Variants in SLC24A3 observed in about 807,000 individuals in gnomAD.
The protein encoded by SLC24A3 is sodium/potassium/calcium exchanger 3.
In SLC24A3, 28 loss-of-function variants were observed where a neutral mutation model predicts 75.8. The ratio of observed to expected loss-of-function variants is 0.37; its 90% CI spans 0.27 to 0.51. The LOEUF is 0.51. Ranked by LOEUF, SLC24A3 falls within the 20% of genes least tolerant of loss-of-function variation. The pLI, the probability that SLC24A3 is intolerant of heterozygous loss-of-function variation, is 0.94. For missense variants in SLC24A3, 663 were observed against 847.8 expected, an observed-to-expected ratio of 0.78 and a Z score of 2.71; for synonymous variants, 372 against 334.1, an observed-to-expected ratio of 1.11 and a Z score of -1.24.
At chr20:19,434,780 C>T (rs1458255043) in intron 2 of SLC24A3, among the ~76,000 whole-genome samples, 3 of 150,950 alleles carry the variant, frequency 2.0e-5, no homozygotes, top group Admixed American at 1.3e-4. Context: ...AAATGGAGCT[C>T]ATTTAATGCC....
At chr20:19,288,315 G>A (rs1232116952) in intron 2 of SLC24A3, among the ~76,000 whole-genome samples, 1 of 152,150 alleles carries the variant, frequency 6.6e-6, no homozygotes, top group Non-Finnish European at 1.5e-5. Context: ...TTATACTAAT[G>A]AAGAGTTTAA....
At chr20:19,378,630 T>C (rs4814846) in intron 2 of SLC24A3, among the ~76,000 whole-genome samples, 56,511 of 151,964 alleles carry the variant, frequency 0.37, 10,859 homozygotes, top group Middle Eastern at 0.48. Context: ...CCTCCCTTCT[T>C]TCCTTTACCT....
At chr20:19,668,110 C>T (rs1391498519) in intron 8 of SLC24A3, among the ~76,000 whole-genome samples, 1 of 152,172 alleles carries the variant, frequency 6.6e-6, no homozygotes, top group Non-Finnish European at 1.5e-5. Flanking sequence ...GGCACCAGAA[C>T]TACATTCTTC....
At chr20:19,318,034 C>G (rs1425342096) in intron 2 of SLC24A3, among the ~76,000 whole-genome samples, 3 of 152,170 alleles carry the variant, frequency 2.0e-5, no homozygotes, top group African/African-American at 7.2e-5. Flanking sequence ...CTGGAAATGT[C>G]AGAGAATTAA....
intron 2 of SLC24A3, among the ~76,000 whole-genome samples, chr20:19,510,098 G>T (rs1036372254): frequency 2.0e-5 from 3 of 152,154 alleles, no homozygotes; most frequent in Admixed American, 6.5e-5. Flanking sequence ...CAATCCTTAT[G>T]GCCTCCCTAA....
At chr20:19,661,304 A>G (rs1199435231) in intron 7 of SLC24A3, among the ~76,000 whole-genome samples, 1 of 152,070 alleles carries the variant, frequency 6.6e-6, no homozygotes, top group African/African-American at 2.4e-5. Flanking sequence ...ACCTTCATCA[A>G]TCAAGCCTAT....
At chr20:19,519,179 C>T (rs2030055874) in intron 3 of SLC24A3, among the ~76,000 whole-genome samples, 2 of 152,204 alleles carry the variant, frequency 1.3e-5, no homozygotes, top group South Asian at 4.1e-4. Flanking sequence ...CTCAACCTGC[C>T]CCTTTCCATT....
At chr20:19,595,436 G>A (rs1191883163) in intron 6 of SLC24A3, among the ~76,000 whole-genome samples, 2 of 152,162 alleles carry the variant, frequency 1.3e-5, no homozygotes, top group East Asian at 3.9e-4. Flanking sequence ...CCTTCAGCTG[G>A]CACAAACGTG....
intron 2 of SLC24A3, among the ~76,000 whole-genome samples, chr20:19,314,696 C>G (rs143386238): frequency 5.4e-4 from 83 of 152,352 alleles, no homozygotes; most frequent in African/African-American, 2.0e-3. Flanking sequence ...GCTGCGGAAG[C>G]TTCTCTGCCA....
chr20:19,334,446 C>A (rs1985079788), intron 2 of SLC24A3, among the ~76,000 whole-genome samples: 1 of 151,762 alleles, frequency 6.6e-6, no homozygotes, highest in Admixed American at 6.6e-5. Flanking sequence ...AAAAAGAATT[C>A]TGTAATGTAA....
chr20:19,717,645 C>T (rs1302152491), intron 16 of SLC24A3, 52 bp downstream of exon 16: 6 of 1,607,808 alleles, frequency 3.7e-6, no homozygotes, highest in Non-Finnish European at 5.1e-6. Context: ...CTTTCCTCCC[C>T]TTGGTTTCTT....
At chr20:19,642,931 A>G (rs542058194) in intron 6 of SLC24A3, among the ~76,000 whole-genome samples, 4 of 152,258 alleles carry the variant, frequency 2.6e-5, no homozygotes, top group African/African-American at 4.8e-5. Flanking sequence ...CAGGGGGGAA[A>G]TATCTTCCAA....
chr20:19,426,360 T>G (rs1987006638), intron 2 of SLC24A3, among the ~76,000 whole-genome samples: 1 of 152,238 alleles, frequency 6.6e-6, no homozygotes, highest in East Asian at 1.9e-4. Flanking sequence ...TGTCCCACTA[T>G]GGGCGTACAC....
intron 15 of SLC24A3, among the ~76,000 whole-genome samples, chr20:19,701,724 G>A (rs2032876151): frequency 6.6e-6 from 1 of 152,062 alleles, no homozygotes; most frequent in Non-Finnish European, 1.5e-5. Context: ...TCTTATCAAA[G>A]TTATGAGGAA....
At chr20:19,500,064 A>T (rs1237565657) in intron 2 of SLC24A3, among the ~76,000 whole-genome samples, 1 of 152,174 alleles carries the variant, frequency 6.6e-6, no homozygotes, top group African/African-American at 2.4e-5. Context: ...CTTGAGTTAT[A>T]TTGATGAGGA....
intron 15 of SLC24A3, among the ~76,000 whole-genome samples, chr20:19,715,497 C>T (rs2033035271): frequency 6.6e-6 from 1 of 152,180 alleles, no homozygotes; most frequent in South Asian, 2.1e-4. Context: ...CATGTTCCAG[C>T]TGGGGGCCAG....
chr20:19,720,631 G>C (rs567507660), intron 16 of SLC24A3, among the ~76,000 whole-genome samples: 34 of 152,270 alleles, frequency 2.2e-4, no homozygotes, highest in African/African-American at 7.9e-4. Flanking sequence ...CCCCAGGGGA[G>C]TGGGGGCCTG....
chr20:19,684,535 G>A (rs892294904), intron 11 of SLC24A3, among the ~76,000 whole-genome samples, 199 bp downstream of exon 11: 35 of 152,084 alleles, frequency 2.3e-4, no homozygotes, highest in Non-Finnish European at 1.0e-4. Context: ...TTGAGACATG[G>A]ACTAATTTCC....
At chr20:19,656,402 G>C (rs1454485095) in intron 7 of SLC24A3, among the ~76,000 whole-genome samples, 1 of 151,924 alleles carries the variant, frequency 6.6e-6, no homozygotes, top group Non-Finnish European at 1.5e-5. Flanking sequence ...TGGAACTGAA[G>C]ACATGCTTCT....
Sources: gnomAD v4.1 joint callset for allele counts (sites outside exome capture counted in the v4.1 genomes callset) on GRCh38, gnomAD v4.1.1 for gene constraint, MANE v1.5 for transcripts, NCBI Gene and HGNC (gene_info 2026-07-23, HGNC 2026-07-21) for gene names.